DNAJC11: variants seen among roughly 807,000 people sequenced by gnomAD.
The protein encoded by DNAJC11 is DnaJ heat shock protein family (Hsp40) member C11.
Under a neutral mutation model 78.6 loss-of-function variants are expected in DNAJC11, and 15 were observed. The ratio of observed to expected loss-of-function variants is 0.19; its 90% CI spans 0.13 to 0.29. The LOEUF (loss-of-function observed/expected upper bound fraction) is 0.29, where lower values mean the gene tolerates loss of function less well. Ranked by LOEUF, DNAJC11 falls within the 10% of genes least tolerant of loss-of-function variation. The probability of loss-of-function intolerance (pLI) is 1.00; values close to 1 mark genes in which losing one functional copy is unlikely to be tolerated. For synonymous variants in DNAJC11, 292 were observed against 272.1 expected (o/e 1.07, Z -0.72); for missense variants, 547 against 709.6 (o/e 0.77, Z 2.60).
At chr1:6,636,378 G>A in intron 14 of DNAJC11, 132 bp from the exon 15 acceptor site, 2 of 1,340,406 alleles carry the variant, frequency 1.5e-6, no homozygotes, top group Admixed American at 2.5e-5. Flanking sequence ...GGGGCATGAA[G>A]AAAAAGAAAC....
At position 6,653,324 on chromosome 1, in the gene DNAJC11, T is replaced by G. The variant is rs1642083450; in HGVS notation, c.508-373A>C. Among the ~76,000 whole-genome samples, 1 of 152,166 alleles carries G rather than the reference T, an allele frequency of 6.6e-6. No homozygotes were observed. The highest frequency in any genetic ancestry group is 2.4e-5 in the African/African-American group (1 of 41,442). On this transcript the variant is annotated intron_variant, in intron 5 of 15. Transcript: ENST00000377577. This position sits in a 1 kb window ranked among gnomAD's most constrained non-coding sequence, Gnocchi z 4.5. ...GACCTTCCCATGGCTGTATTCTGTA[T>G]CAACTGACTCAGGGAGCTCCAAGAG...
chr1:6,654,187 GC>G, intron 4 of DNAJC11, 148 bp from the exon 5 acceptor site: 1 of 902,210 alleles, frequency 1.1e-6, no homozygotes, highest in Non-Finnish European at 1.6e-6. Flanking sequence ...CCACCAGGAA[GC>G]CCACAAAGCA....
Position 6,670,722 on chromosome 1 carries a change from C to T in DNAJC11, c.277-2912G>A, listed in dbSNP as rs35293685. On this transcript the variant is annotated intron_variant, in intron 3 of 15. Coordinates refer to ENST00000377577, the MANE Select transcript of DNAJC11 (RefSeq NM_018198.4). ...CATGACAGTGATTGCTCTGTGACCT[C>T]GCAAGGGCATTCTGGGTTCTATTTC... is the stretch of plus-strand genomic sequence containing the variant. 8.6e-3 allele frequency: 1,306 copies of T among 152,296 alleles called. 14 individuals are homozygous for T. Among genetic ancestry groups the T allele is most frequent in the Middle Eastern group, 0.02 (6 of 294 alleles). 9.4% of individuals were successfully genotyped at this position (152,296 alleles called of 1,614,324 possible).
intron 15 of DNAJC11, 135 bp downstream of exon 15, chr1:6,635,982 A>G: frequency 7.7e-7 from 1 of 1,302,410 alleles, no homozygotes; most frequent in Non-Finnish European, 1.0e-6. Context: ...ATCATGGGTC[A>G]AGGGCTAGTT....
rs974964959 is a variant in DNAJC11, at chr1:6,680,987, G to A, written c.123C>T (p.Tyr41=). 5 of 1,613,870 alleles carry A rather than the reference G, an allele frequency of 3.1e-6. No homozygotes were observed. In the African/African-American group the frequency reaches 5.3e-5, roughly 17 times the overall value. The change falls in exon 2 of 16, where the codon TAC becomes TAT. Residue 41 remains tyrosine (Y), a synonymous_variant. Transcript: ENST00000377577. This position sits in a 1 kb window ranked among gnomAD's most constrained non-coding sequence, Gnocchi z 4.0. ...CTGGGTCTCTGTGCTTGTCTGGATG[G>A]TAGAGCATACAGAGCCTCCGGTAGG... is the stretch of plus-strand genomic sequence containing the variant. ...KAAYRRLCML[Y]HPDKHRDPEL... is the part of the protein sequence containing the mutation.
intron 1 of DNAJC11, among the ~76,000 whole-genome samples, chr1:6,694,883 G>C (rs574362591): frequency 1.9e-4 from 29 of 151,072 alleles, no homozygotes; most frequent in African/African-American, 6.8e-4. Context: ...GCTGAGGCAG[G>C]AGAATGGCGT....
At chr1:6,700,162 C>T (rs1642902207) in intron 1 of DNAJC11, among the ~76,000 whole-genome samples, 1 of 152,080 alleles carries the variant, frequency 6.6e-6, no homozygotes, top group Admixed American at 6.6e-5. Context: ...TGTGATATTC[C>T]GCCCTTAAGA....
chr1:6,663,630 C>T lies in DNAJC11; in HGVS notation c.378+4079G>A, dbSNP rs78994592. Among the ~76,000 whole-genome samples, 446 of 152,268 alleles carry T rather than the reference C, an allele frequency of 2.9e-3. 5 individuals carry two copies. The highest frequency in any genetic ancestry group is 0.01 in the East Asian group (54 of 5,182). ...AGGGTGGTCCAGTCAGGTCTAGTTT[C>T]GCATACTGCTCTCAGGTATGAACCC... On this transcript the variant is annotated intron_variant, in intron 4 of 15. Transcript: ENST00000377577.
chr1:6,669,119 G>A (rs1642335608), intron 3 of DNAJC11, among the ~76,000 whole-genome samples: 1 of 151,082 alleles, frequency 6.6e-6, no homozygotes, highest in African/African-American at 2.4e-5. Flanking sequence ...CCCAGGAGGT[G>A]AAGGTTGCAG....
chr1:6,650,429 G>A (rs1041568527), intron 7 of DNAJC11, among the ~76,000 whole-genome samples: 9 of 152,142 alleles, frequency 5.9e-5, no homozygotes, highest in African/African-American at 2.2e-4. Context: ...AGCCAGGCAT[G>A]TTGGCACACG....
chr1:6,638,640 C>T (rs1641824200), intron 11 of DNAJC11, among the ~76,000 whole-genome samples: 1 of 152,214 alleles, frequency 6.6e-6, no homozygotes, highest in African/African-American at 2.4e-5. Flanking sequence ...AAGACCCCAC[C>T]ACAGGAGAAT....
In DNAJC11 at chr1:6,680,819, T is replaced by C. The variant is rs1642539621; in HGVS notation, c.202+89A>G. 1 of 1,515,626 alleles carries C rather than the reference T, an allele frequency of 6.6e-7. No individual in the cohort carries two copies. 93.9% of individuals were successfully genotyped at this position (1,515,626 alleles called of 1,614,324 possible). ...ACCTGTTTTATATACCTCTAAGGACTCTCTTTTTCTATCCTCTACAAATCG... is the reference window on the plus strand; with the variant it reads ...ACCTGTTTTATATACCTCTAAGGACCCTCTTTTTCTATCCTCTACAAATCG... On this transcript the variant is annotated intron_variant, in intron 2 of 15. Coordinates refer to ENST00000377577, the MANE Select transcript of DNAJC11 (RefSeq NM_018198.4). This position sits in a 1 kb window ranked among gnomAD's most constrained non-coding sequence, Gnocchi z 4.0.
Position 6,635,588 on chromosome 1 carries a change from C to T in DNAJC11, c.*87G>A, listed in dbSNP as rs996736795. 1.2e-4 allele frequency: 165 copies of T among 1,369,206 alleles called. No homozygotes were observed. The highest frequency in any genetic ancestry group is 1.4e-4 in the Non-Finnish European group (134 of 974,826). 84.8% of individuals were successfully genotyped at this position (1,369,206 alleles called of 1,614,324 possible). The stretch of plus-strand genomic sequence containing the variant: ...TAATAATAATATAAAATAAAAACAT[C>T]TGATGTCTGGGTTTTTTCATTTCCA... On this transcript the variant is annotated 3_prime_UTR_variant, in exon 16 of 16. Transcript: ENST00000377577.
intron 3 of DNAJC11, among the ~76,000 whole-genome samples, chr1:6,677,481 G>C (rs1642483083): frequency 6.9e-6 from 1 of 145,532 alleles, no homozygotes; most frequent in African/African-American, 2.4e-5. Context: ...ATGTTTTGTA[G>C]AGACAGGGTC....
intron 1 of DNAJC11, among the ~76,000 whole-genome samples, chr1:6,694,755 G>A (rs1642805980): frequency 6.6e-6 from 1 of 150,916 alleles, no homozygotes; most frequent in South Asian, 2.1e-4. Flanking sequence ...CACAAGGTCA[G>A]GAGATCGAGA....
intron 1 of DNAJC11, among the ~76,000 whole-genome samples, chr1:6,697,694 C>A (rs948071160): frequency 5.3e-5 from 8 of 152,168 alleles, no homozygotes; most frequent in African/African-American, 1.9e-4. Context: ...GACCCCTGCT[C>A]TAGAATACAA....
rs1435892376 is a variant in DNAJC11 at position 6,671,059 on chromosome 1, G to GAT, written c.277-3250_277-3249insAT. ...AGCCCAATTCAGTGGACCTGACTGT[G>GAT]GAGCCACAGTTTCTCTGGACTCAGT... On this transcript the variant is annotated intron_variant, in intron 3 of 15. Transcript: ENST00000377577. 2.6e-5 allele frequency: 4 copies of GAT among 152,146 alleles called. No homozygotes were observed. The East Asian group carries it at 7.7e-4, about 29-fold the overall frequency. The allele number at this position is 152,146 out of a possible 1,614,324, so 9.4% of individuals were successfully genotyped here.
At chr1:6,684,362 G>C (rs1223355471) in intron 1 of DNAJC11, among the ~76,000 whole-genome samples, 1 of 152,214 alleles carries the variant, frequency 6.6e-6, no homozygotes, top group Non-Finnish European at 1.5e-5. Flanking sequence ...GATTACAGGC[G>C]TGAGCCACTG....
chr1:6,659,146 C>T (rs1036152014), intron 4 of DNAJC11, among the ~76,000 whole-genome samples: 8 of 152,340 alleles, frequency 5.3e-5, no homozygotes, highest in Admixed American at 3.9e-4. Flanking sequence ...CTCCCAGTAA[C>T]ACTGACTTGT....
Sources: allele counts gnomAD v4.1 joint callset (sites outside exome capture counted in the v4.1 genomes callset), GRCh38; gene constraint gnomAD v4.1.1; non-coding constraint Gnocchi (gnomAD v3.1); transcripts MANE v1.5; gene names NCBI Gene and HGNC (gene_info 2026-07-23, HGNC 2026-07-21).